OPCML: variants seen among roughly 807,000 people sequenced by gnomAD.
OPCML encodes opioid-binding protein/cell adhesion molecule.
In OPCML, 13 loss-of-function variants were observed where a neutral mutation model predicts 37.8. That is an observed-to-expected ratio of 0.34 (90% CI 0.22 to 0.55). OPCML has a LOEUF of 0.55. Among genes scored for constraint, OPCML ranks in the 20% least tolerant of loss-of-function variants. The probability of loss-of-function intolerance (pLI) is 0.91; values close to 1 mark genes in which losing one functional copy is unlikely to be tolerated. For synonymous variants in OPCML, 176 were observed against 168.8 expected, an observed-to-expected ratio of 1.04 and a Z score of -0.33; for missense variants, 341 against 435.6, an observed-to-expected ratio of 0.78 and a Z score of 1.93.
chr11:133,510,902 C>T (rs796735984), intron 1 of OPCML, among the ~76,000 whole-genome samples: 79 of 136,384 alleles, frequency 5.8e-4, no homozygotes, highest in African/African-American at 2.5e-3. Context: ...CACACACACA[C>T]GCACACACAC....
intron 7 of OPCML, chr11:132,435,283 G>A (rs1039810804): frequency 3.2e-5 from 41 of 1,283,360 alleles, no homozygotes; most frequent in Non-Finnish European, 3.7e-5. Context: ...TTTACTTAAT[G>A]TCAGTGCTGA....
intron 3 of OPCML, among the ~76,000 whole-genome samples, chr11:132,562,586 G>A (rs2096412951): frequency 6.6e-6 from 1 of 152,118 alleles, no homozygotes; most frequent in African/African-American, 2.4e-5. Context: ...TTTATATATA[G>A]GTTACATCTC....
chr11:133,123,788 G>T (rs1328679926), intron 1 of OPCML, among the ~76,000 whole-genome samples: 1 of 152,106 alleles, frequency 6.6e-6, no homozygotes, highest in Non-Finnish European at 1.5e-5. Context: ...GCTTTAAGGG[G>T]TTATGGGGTT....
intron 1 of OPCML, among the ~76,000 whole-genome samples, chr11:133,466,061 A>T (rs2136996026): frequency 6.6e-6 from 1 of 152,346 alleles, no homozygotes; most frequent in African/African-American, 2.4e-5. Context: ...ATAACATTAT[A>T]TATTTGGCTG....
At chr11:132,422,773 C>T (rs1443763497) in intron 7 of OPCML, among the ~76,000 whole-genome samples, 2 of 152,200 alleles carry the variant, frequency 1.3e-5, no homozygotes, top group African/African-American at 4.8e-5. Context: ...AGTCACTGTC[C>T]TCAGAATCTA....
chr11:133,406,495 G>A (rs1295689499), intron 1 of OPCML, among the ~76,000 whole-genome samples: 1 of 152,204 alleles, frequency 6.6e-6, no homozygotes, highest in African/African-American at 2.4e-5. Flanking sequence ...CAAAAAGTCT[G>A]TTCAAGCAAT....
intron 2 of OPCML, among the ~76,000 whole-genome samples, chr11:132,909,748 G>T (rs1412920883): frequency 6.6e-6 from 1 of 152,280 alleles, no homozygotes; most frequent in East Asian, 1.9e-4. Context: ...CCAGTGGGCA[G>T]GGCAGCCACC....
intron 3 of OPCML, among the ~76,000 whole-genome samples, chr11:132,556,409 G>A (rs114890705): frequency 1.5e-3 from 221 of 152,196 alleles, no homozygotes; most frequent in African/African-American, 5.1e-3. Flanking sequence ...TTCTAATTAT[G>A]GAATCATAAA....
At chr11:133,349,630 A>C (rs1269568501) in intron 1 of OPCML, among the ~76,000 whole-genome samples, 1 of 152,150 alleles carries the variant, frequency 6.6e-6, no homozygotes, top group East Asian at 1.9e-4. Flanking sequence ...TGTTTAAGAC[A>C]CCTGAGCAAC....
intron 1 of OPCML, chr11:133,025,344 G>C: frequency 1.0e-6 from 1 of 985,388 alleles, no homozygotes; most frequent in Non-Finnish European, 1.2e-6. Flanking sequence ...CTGTTATTAA[G>C]TTTTCGATTA....
intron 2 of OPCML, among the ~76,000 whole-genome samples, chr11:132,756,100 C>A (rs982862779): frequency 1.3e-5 from 2 of 152,196 alleles, no homozygotes; most frequent in African/African-American, 4.8e-5. Context: ...CTCATGACCT[C>A]CTGACCAGGG....
chr11:132,433,661 A>C (rs1256797229), intron 7 of OPCML, among the ~76,000 whole-genome samples: 1 of 152,186 alleles, frequency 6.6e-6, no homozygotes, highest in African/African-American at 2.4e-5. Flanking sequence ...TGGCACCTAT[A>C]GGGAAGTAAT....
At chr11:133,112,166 A>G (rs1166759013) in intron 1 of OPCML, among the ~76,000 whole-genome samples, 1 of 151,814 alleles carries the variant, frequency 6.6e-6, no homozygotes, top group Non-Finnish European at 1.5e-5. Flanking sequence ...TATTCCCTAT[A>G]TTAATCTTGG....
rs552061062 is a variant in OPCML, at chr11:133,174,639, G to GGAAAA, written c.62-231630_62-231629insTTTTC. On this transcript the variant is annotated intron_variant, in intron 1 of 7. Coordinates refer to ENST00000524381, the MANE Select transcript of OPCML (RefSeq NM_001012393.5). The surrounding 1 kb of genome is among the most constrained non-coding windows in gnomAD (Gnocchi z 4.6). ...AAATGCTCATGGAATGCTGTTTAGT[G>GGAAAA]AAAAAAAAAAAAAAAAAAAGCAGGG... Among the ~76,000 whole-genome samples the GGAAAA allele has an allele frequency of 1.7e-5, 2 of 116,796 alleles. 1 individual carries two copies. The highest frequency in any genetic ancestry group is 3.8e-5 in the Non-Finnish European group (2 of 52,478). The allele number at this position is 116,796 out of a possible 152,430, so 76.6% of individuals were successfully genotyped here.
At chr11:133,406,021 C>T (rs2136852856) in intron 1 of OPCML, among the ~76,000 whole-genome samples, 1 of 152,294 alleles carries the variant, frequency 6.6e-6, no homozygotes, top group African/African-American at 2.4e-5. Context: ...TCTTGCCTTG[C>T]TTCCACTTGT....
intron 2 of OPCML, among the ~76,000 whole-genome samples, chr11:132,746,392 A>T (rs531489422): frequency 6.6e-6 from 1 of 151,922 alleles, no homozygotes; most frequent in African/African-American, 2.4e-5. Context: ...CAAGCATCTC[A>T]TTTATTCTCC....
At chr11:133,055,118 C>T in intron 1 of OPCML, among the ~76,000 whole-genome samples, 1 of 150,106 alleles carries the variant, frequency 6.7e-6, no homozygotes, top group East Asian at 2.0e-4. Flanking sequence ...ACAATGCTGC[C>T]TCCATGATAC....
intron 2 of OPCML, among the ~76,000 whole-genome samples, chr11:132,828,650 T>C (rs1305285001): frequency 6.6e-6 from 1 of 152,202 alleles, no homozygotes; most frequent in African/African-American, 2.4e-5. Flanking sequence ...AATTTTTTTA[T>C]TGTTTAATAT....
At chr11:133,342,683 T>A (rs1221939324) in intron 1 of OPCML, among the ~76,000 whole-genome samples, 3 of 152,166 alleles carry the variant, frequency 2.0e-5, no homozygotes, top group Non-Finnish European at 4.4e-5. Flanking sequence ...TCCAGTCTCC[T>A]GCCCTGTGTT....
Sources: allele counts gnomAD v4.1 joint callset (sites outside exome capture counted in the v4.1 genomes callset), GRCh38; gene constraint gnomAD v4.1.1; non-coding constraint Gnocchi (gnomAD v3.1); transcripts MANE v1.5; gene names NCBI Gene and HGNC (gene_info 2026-07-23, HGNC 2026-07-21).